PODXL: variants seen among roughly 807,000 people sequenced by gnomAD.
PODXL encodes the protein podocalyxin.
In PODXL, 20 loss-of-function variants were observed where a neutral mutation model predicts 48.9. The ratio of observed to expected loss-of-function variants is 0.41; its 90% confidence interval spans 0.29 to 0.59. PODXL has a LOEUF of 0.59. Ranked by LOEUF, PODXL falls within the 20% of genes least tolerant of loss-of-function variation. The pLI is 0.31. For missense variants in PODXL, 606 were observed against 675.1 expected (o/e 0.90, Z 1.13); for synonymous variants, 295 against 287.4 (o/e 1.03, Z -0.27).
In PODXL at chr7:131,504,217, TC is replaced by T; in HGVS notation, c.*93del. On this transcript the variant is annotated 3_prime_UTR_variant, in exon 9 of 9. Coordinates refer to ENST00000378555, the MANE Select transcript of PODXL (RefSeq NM_001018111.3). ...AGGGGACACCCCTCGGAGTTCACTC[TC>T]CCTCCCCAGTCTTTCCCTTCCCCAT... 2.9e-6 allele frequency: 3 copies of T among 1,041,254 alleles called. No homozygotes were observed. Among genetic ancestry groups the T allele is most frequent in the Admixed American group, 2.0e-5 (1 of 48,992 alleles). 64.5% of individuals were successfully genotyped at this position (1,041,254 alleles called of 1,614,324 possible).
intron 1 of PODXL, among the ~76,000 whole-genome samples, chr7:131,522,744 C>T (rs1798110915): frequency 6.6e-6 from 1 of 152,214 alleles, no homozygotes. Context: ...TTCATGTAAA[C>T]GGGATCATAC....
intron 3 of PODXL, among the ~76,000 whole-genome samples, chr7:131,509,981 C>A (rs977330905): frequency 6.6e-6 from 1 of 152,160 alleles, no homozygotes; most frequent in African/African-American, 2.4e-5. Flanking sequence ...TCAGCCGGAG[C>A]CCGCACTCCT....
intron 5 of PODXL, among the ~76,000 whole-genome samples, chr7:131,508,472 G>C (rs1301001998): frequency 6.6e-6 from 1 of 152,078 alleles, no homozygotes; most frequent in Non-Finnish European, 1.5e-5. Flanking sequence ...TCCCAGGCTG[G>C]TCTTGAACTT....
intron 5 of PODXL, among the ~76,000 whole-genome samples, chr7:131,508,419 T>C (rs1797846612): frequency 6.6e-6 from 1 of 152,208 alleles, no homozygotes; most frequent in Non-Finnish European, 1.5e-5. Flanking sequence ...TCATTTTCTC[T>C]TGCTTTTCTT....
intron 1 of PODXL, among the ~76,000 whole-genome samples, chr7:131,513,697 T>G (rs1797951689): frequency 6.6e-6 from 1 of 152,232 alleles, no homozygotes; most frequent in African/African-American, 2.4e-5. Context: ...GCACTCATCC[T>G]GGGCCGCAGC....
intron 1 of PODXL, among the ~76,000 whole-genome samples, chr7:131,538,169 T>G (rs746019532): frequency 1.3e-5 from 2 of 152,034 alleles, no homozygotes; most frequent in Non-Finnish European, 2.9e-5. Context: ...TCCCCTGTGC[T>G]CTGACTTAGT....
chr7:131,550,622 C>G (rs1409094835), intron 1 of PODXL, among the ~76,000 whole-genome samples: 1 of 151,510 alleles, frequency 6.6e-6, no homozygotes, highest in Admixed American at 6.6e-5. Flanking sequence ...GGCAACACAG[C>G]GAGATTCCAT....
At chr7:131,505,210 A>G (rs1797778177) in intron 8 of PODXL, among the ~76,000 whole-genome samples, 1 of 152,186 alleles carries the variant, frequency 6.6e-6, no homozygotes, top group Admixed American at 6.5e-5. Context: ...TTGGTTAGAC[A>G]GAACACCTAG....
intron 1 of PODXL, among the ~76,000 whole-genome samples, chr7:131,516,753 T>TTTTTGA (rs1798003996): frequency 6.7e-6 from 1 of 149,844 alleles, no homozygotes; most frequent in Non-Finnish European, 1.5e-5. Context: ...TTTTTTTTTT[T>TTTTTGA]GAGACAGGGT....
At chr7:131,536,380 C>T (rs1216322847) in intron 1 of PODXL, among the ~76,000 whole-genome samples, 1 of 152,150 alleles carries the variant, frequency 6.6e-6, no homozygotes, top group Non-Finnish European at 1.5e-5. Flanking sequence ...GTATTGCCAC[C>T]CCTCAGTGGG....
At chr7:131,540,111 C>T (rs923658044) in intron 1 of PODXL, among the ~76,000 whole-genome samples, 4 of 152,110 alleles carry the variant, frequency 2.6e-5, no homozygotes, top group African/African-American at 7.2e-5. Flanking sequence ...GGCGCGATCA[C>T]GGCTCACTGC....
At chr7:131,532,522 G>GGT (rs1554386952) in intron 1 of PODXL, among the ~76,000 whole-genome samples, 2 of 150,184 alleles carry the variant, frequency 1.3e-5, no homozygotes, top group Admixed American at 1.3e-4. Flanking sequence ...TTTTTTGGAG[G>GGT]GGGGGTACAT....
At chr7:131,555,210 T>C (rs1055493540) in intron 1 of PODXL, among the ~76,000 whole-genome samples, 4 of 152,148 alleles carry the variant, frequency 2.6e-5, no homozygotes, top group Admixed American at 2.0e-4. Context: ...GTCTGTGCTG[T>C]CCCCGCAGTC....
rs753882206 is a variant in PODXL, at chr7:131,509,569, C to A, written c.819G>T (p.Ser273=). The part of the protein sequence containing the change: ...SAGITASSVI[S]QRTQQTSSQM... ...GACTGGAGGTCTGTTGAGTTCTTTGCGAGATAACCGATGACGCTGTCATTG... is the reference window on the plus strand; with the variant it reads ...GACTGGAGGTCTGTTGAGTTCTTTGAGAGATAACCGATGACGCTGTCATTG... The change falls in exon 4 of 9, where the codon TCG becomes TCT. Residue 273 remains serine, a synonymous_variant. Coordinates refer to ENST00000378555, the MANE Select transcript of PODXL (RefSeq NM_001018111.3). The A allele has an allele frequency of 4.5e-6, 7 of 1,549,058 alleles. No individual in the cohort carries two copies. In the African/African-American group the frequency reaches 5.5e-5, roughly 12 times the overall value.
chr7:131,525,436 A>G (rs866072867), intron 1 of PODXL, among the ~76,000 whole-genome samples: 5 of 147,932 alleles, frequency 3.4e-5, no homozygotes, highest in African/African-American at 1.2e-4. Flanking sequence ...CAAAAAAAAA[A>G]AAAAAAAAAA....
At chr7:131,531,257 G>A (rs2116834674) in intron 1 of PODXL, among the ~76,000 whole-genome samples, 1 of 152,244 alleles carries the variant, frequency 6.6e-6, no homozygotes. Context: ...GCTATATCCA[G>A]CCGCTTATAA....
At chr7:131,514,164 T>C (rs1266697689) in intron 1 of PODXL, among the ~76,000 whole-genome samples, 3 of 152,194 alleles carry the variant, frequency 2.0e-5, no homozygotes, top group Non-Finnish European at 4.4e-5. Flanking sequence ...ATGCCTGTAA[T>C]CCCAGCACTT....
intron 1 of PODXL, among the ~76,000 whole-genome samples, chr7:131,522,321 A>G (rs117158749): frequency 2.3e-4 from 35 of 152,282 alleles, no homozygotes; most frequent in Non-Finnish European, 2.4e-4. Flanking sequence ...GCTTGGTGGC[A>G]CATACTGAGT....
chr7:131,504,569 C>G, intron 8 of PODXL, 61 bp from the exon 9 acceptor site: 3 of 1,385,048 alleles, frequency 2.2e-6, no homozygotes, highest in East Asian at 2.3e-5. Context: ...CTTAATACAG[C>G]GCATGTACGT....
Sources: gnomAD v4.1 joint callset for allele counts (sites outside exome capture counted in the v4.1 genomes callset) on GRCh38, gnomAD v4.1.1 for gene constraint, MANE v1.5 for transcripts, NCBI Gene and HGNC (gene_info 2026-07-23, HGNC 2026-07-21) for gene names.